TNRC6A: variants seen among roughly 807,000 people sequenced by gnomAD.
TNRC6A encodes trinucleotide repeat-containing gene 6A protein.
In TNRC6A, 44 loss-of-function variants were observed where a neutral mutation model predicts 221.2. That is an observed-to-expected ratio of 0.20 (90% CI 0.16 to 0.26). The LOEUF is 0.26. TNRC6A is among the 10% of genes least tolerant of loss of function. The pLI, the probability that TNRC6A is intolerant of heterozygous loss-of-function variation, is 1.00. For synonymous variants in TNRC6A, 847 were observed against 838.5 expected, an observed-to-expected ratio of 1.01 and a Z score of -0.18; for missense variants, 2,199 against 2,404.4, an observed-to-expected ratio of 0.91 and a Z score of 1.79.
intron 5 of TNRC6A, among the ~76,000 whole-genome samples, chr16:24,786,908 C>G (rs772249195): frequency 7.9e-5 from 12 of 152,172 alleles, no homozygotes; most frequent in Non-Finnish European, 1.5e-4. Flanking sequence ...GTCTCAAACT[C>G]CAGACCTCGT....
chr16:24,820,304 A>G lies in TNRC6A; in HGVS notation c.5246A>G (p.Asn1749Ser). ...GQKPPLSTWD[N>S]SPLRIGGGWG... ...AAGCCACCCTTGTCTACGTGGGATA[A>G]TTCTCCCCTTCGTATAGGTGGAGGA... Residue 1749 changes from asparagine (N) to serine (S), a missense_variant, in exon 22 of 25, where the codon AAT becomes AGT. Asn to Ser is a conservative substitution (Grantham distance 46). This residue lies in a region of TNRC6A where 449 missense variants were observed against 579.7 expected (regional missense o/e 0.77). Coordinates refer to ENST00000395799, the MANE Select transcript of TNRC6A (RefSeq NM_014494.4). The G allele has an allele frequency of 1.2e-6, 2 of 1,614,122 alleles. No individual in the cohort carries two copies. Among genetic ancestry groups the G allele is most frequent in the Non-Finnish European group, 1.7e-6 (2 of 1,180,024 alleles).
chr16:24,667,343 C>A (rs1015543681), intron 2 of TNRC6A, among the ~76,000 whole-genome samples: 1 of 152,152 alleles, frequency 6.6e-6, no homozygotes, highest in African/African-American at 2.4e-5. Context: ...TGGCCCCCTG[C>A]ACATGGCAAC....
intron 4 of TNRC6A, among the ~76,000 whole-genome samples, chr16:24,762,594 A>G (rs1290070990): frequency 4.6e-5 from 7 of 152,234 alleles, no homozygotes; most frequent in Non-Finnish European, 1.0e-4. Flanking sequence ...CACGTAGTCT[A>G]TATTTAAAAA....
intron 2 of TNRC6A, among the ~76,000 whole-genome samples, chr16:24,687,785 C>T (rs1335896834): frequency 1.5e-5 from 2 of 133,864 alleles, no homozygotes; most frequent in Admixed American, 8.2e-5. Flanking sequence ...GGTGACAGAG[C>T]AAGAGAAGGA....
chr16:24,759,566 G>A (rs2057320680), intron 4 of TNRC6A, among the ~76,000 whole-genome samples: 1 of 152,176 alleles, frequency 6.6e-6, no homozygotes, highest in South Asian at 2.1e-4. Flanking sequence ...TTGGGGGGAA[G>A]TGACTGAATA....
chr16:24,677,884 T>C (rs918007967), intron 2 of TNRC6A, among the ~76,000 whole-genome samples: 2 of 146,600 alleles, frequency 1.4e-5, no homozygotes, highest in Admixed American at 1.4e-4. Flanking sequence ...GCGTGGTTGC[T>C]GGATGATCTT....
At chr16:24,773,154 C>T (rs7204281) in intron 4 of TNRC6A, among the ~76,000 whole-genome samples, 39,324 of 151,788 alleles carry the variant, frequency 0.26, 5,264 homozygotes, top group Middle Eastern at 0.33. Flanking sequence ...TTAGTATGTG[C>T]GGGTGTTTTC....
chr16:24,736,116 A>C (rs1166989363), intron 2 of TNRC6A, among the ~76,000 whole-genome samples: 1 of 152,176 alleles, frequency 6.6e-6, no homozygotes, highest in African/African-American at 2.4e-5. Flanking sequence ...AGTGAGCCGA[A>C]ATTGCGCCAT....
At chr16:24,719,045 A>AAG (rs1275263782) in intron 2 of TNRC6A, among the ~76,000 whole-genome samples, 3 of 151,808 alleles carry the variant, frequency 2.0e-5, no homozygotes, top group African/African-American at 7.3e-5. Context: ...TCCAAAAAAA[A>AAG]AAAAAGAAAA....
intron 2 of TNRC6A, among the ~76,000 whole-genome samples, chr16:24,714,076 A>T (rs1438199209): frequency 6.6e-6 from 1 of 152,066 alleles, no homozygotes; most frequent in Non-Finnish European, 1.5e-5. Context: ...GTTTTCATGA[A>T]ACTTGGAGAA....
chr16:24,787,134 C>T (rs927068386), intron 5 of TNRC6A, among the ~76,000 whole-genome samples: 1 of 152,136 alleles, frequency 6.6e-6, no homozygotes, highest in Non-Finnish European at 1.5e-5. Context: ...TCAAATTGAC[C>T]CTAACGAGGC....
intron 1 of TNRC6A, among the ~76,000 whole-genome samples, chr16:24,640,444 G>A (rs1180193141): frequency 6.6e-6 from 1 of 151,038 alleles, no homozygotes; most frequent in Non-Finnish European, 1.5e-5. Flanking sequence ...AGAAGGGCAT[G>A]AGGCTGGTCA....
intron 14 of TNRC6A, chr16:24,805,367 G>C: frequency 1.1e-6 from 1 of 943,494 alleles, no homozygotes; most frequent in Non-Finnish European, 1.5e-6. Flanking sequence ...AAACATTCTT[G>C]AGAGTAGGAC....
chr16:24,621,582 T>C (rs1049897818), intron 1 of TNRC6A, among the ~76,000 whole-genome samples: 4 of 152,034 alleles, frequency 2.6e-5, no homozygotes. Flanking sequence ...GGTCTCGAAC[T>C]CCTGACCTCA....
At chr16:24,745,795 T>TCCC (rs4038329) in intron 2 of TNRC6A, among the ~76,000 whole-genome samples, 4 of 118,560 alleles carry the variant, frequency 3.4e-5, no homozygotes, top group African/African-American at 1.4e-4. Flanking sequence ...GTATGTACCA[T>TCCC]CCCCCCCCCC....
In TNRC6A at chr16:24,789,922, G is replaced by T. The variant is rs1008349983; in HGVS notation, c.1280G>T (p.Cys427Phe). 4.3e-6 allele frequency: 7 copies of T among 1,613,738 alleles called. No homozygotes were observed. In the African/African-American group the frequency reaches 8.0e-5, roughly 18 times the overall value. The part of the protein sequence containing the change: ...HGTWGSLQET[C>F]ESEVSGTQKV... ...ACCTGGGGAAGCCTTCAGGAAACTTGTGAATCTGAAGTAAGTGGTACACAG... is the reference window on the plus strand; with the variant it reads ...ACCTGGGGAAGCCTTCAGGAAACTTTTGAATCTGAAGTAAGTGGTACACAG... Residue 427 changes from cysteine to phenylalanine, a missense_variant, in exon 6 of 25, where the codon TGT (cysteine) becomes TTT (phenylalanine). By Grantham distance (205) the Cys-to-Phe change is radical. Transcript: ENST00000395799.
intron 2 of TNRC6A, among the ~76,000 whole-genome samples, chr16:24,734,548 C>G (rs1349337324): frequency 6.6e-6 from 1 of 152,206 alleles, no homozygotes; most frequent in Non-Finnish European, 1.5e-5. Context: ...CTGACTTCTT[C>G]ATTTCTCAAG....
chr16:24,777,095 CACAGCAGCAGCCACAGCCGCAGCCGCA>C lies in TNRC6A; in HGVS notation c.327_353del (p.Pro115_Gln123del), dbSNP rs1243728020. 6.8e-7 allele frequency: 1 copy of C among 1,475,178 alleles called. No individual in the cohort carries two copies. Among genetic ancestry groups the C allele is most frequent in the Non-Finnish European group, 9.4e-7 (1 of 1,060,516 alleles). The allele number at this position is 1,475,178 out of a possible 1,614,324, so 91.4% of individuals were successfully genotyped here. On this transcript the variant is annotated inframe_deletion, in exon 5 of 25. Coordinates refer to ENST00000395799, the MANE Select transcript of TNRC6A (RefSeq NM_014494.4). ...CAGCAGCAGCCGCAGCAGCAGCAGC[CACAGCAGCAGCCACAGCCGCAGCCGCA>C]GCAGCAGCAGCCACAGCAGCAGCCA...
At chr16:24,808,441 G>A (rs973125638) in intron 17 of TNRC6A, among the ~76,000 whole-genome samples, 1 of 152,138 alleles carries the variant, frequency 6.6e-6, no homozygotes, top group South Asian at 2.1e-4. Context: ...TCTAACCTGG[G>A]GTCTGTGGCT....
Sources: gnomAD v4.1 joint callset for allele counts (sites outside exome capture counted in the v4.1 genomes callset) on GRCh38, gnomAD v4.1.1 for gene constraint, gnomAD v4.1.1 regional missense constraint, MANE v1.5 for transcripts, NCBI Gene and HGNC (gene_info 2026-07-23, HGNC 2026-07-21) for gene names.